Variants in OLFM3 observed in about 807,000 individuals in gnomAD.
OLFM3 encodes the protein noelin-3.
OLFM3 carries 20 observed loss-of-function variants against 48.6 expected under a neutral mutation model. The observed-to-expected ratio is 0.41, with a 90% confidence interval of 0.29 to 0.60. The LOEUF is 0.60. OLFM3 is among the 20% of genes least tolerant of loss of function. The pLI is 0.28. For synonymous variants in OLFM3, 222 were observed against 198.1 expected (o/e 1.12, Z -1.01); for missense variants, 437 against 544.3 (o/e 0.80, Z 1.96).
At chr1:101,833,982 T>C (rs1290637861) in intron 2 of OLFM3, among the ~76,000 whole-genome samples, 1 of 152,220 alleles carries the variant, frequency 6.6e-6, no homozygotes, top group Non-Finnish European at 1.5e-5. Context: ...CAAGACATCT[T>C]TAACTGTACA....
At chr1:101,898,801 A>G (rs1658292167) in intron 1 of OLFM3, among the ~76,000 whole-genome samples, 1 of 152,168 alleles carries the variant, frequency 6.6e-6, no homozygotes, top group African/African-American at 2.4e-5. Context: ...GTGAGCCAAG[A>G]TCATGCTACT....
chr1:101,982,753 C>T (rs141350226), intron 1 of OLFM3, among the ~76,000 whole-genome samples: 76 of 152,294 alleles, frequency 5.0e-4, no homozygotes, highest in African/African-American at 1.7e-3. Context: ...AACATTGGCT[C>T]TTCCTGGTTC....
chr1:101,849,740 C>A (rs2100946704), intron 1 of OLFM3, among the ~76,000 whole-genome samples: 1 of 152,234 alleles, frequency 6.6e-6, no homozygotes, highest in African/African-American at 2.4e-5. Flanking sequence ...AAGGTCTGCA[C>A]AACAATTGGC....
At chr1:101,812,675 T>C in intron 4 of OLFM3, 3 of 985,726 alleles carry the variant, frequency 3.0e-6, no homozygotes, top group Non-Finnish European at 3.6e-6. Flanking sequence ...TGCATCTCTA[T>C]GGCAAAGGGA....
At chr1:101,845,417 C>T (rs963503132) in intron 1 of OLFM3, among the ~76,000 whole-genome samples, 20 of 151,876 alleles carry the variant, frequency 1.3e-4, no homozygotes, top group African/African-American at 3.9e-4. Flanking sequence ...TGTCTATATA[C>T]ACAAAAAATA....
chr1:101,988,304 A>G (rs1282182878), intron 1 of OLFM3, among the ~76,000 whole-genome samples: 3 of 152,144 alleles, frequency 2.0e-5, no homozygotes, highest in Non-Finnish European at 4.4e-5. Flanking sequence ...AAGAGGATAT[A>G]CTAACTTTGC....
At position 101,811,589 on chromosome 1, in the gene OLFM3, C is replaced by T. The variant is rs1051170695; in HGVS notation, c.593-5407G>A. Among the ~76,000 whole-genome samples, 16 of 152,242 alleles carry T rather than the reference C, an allele frequency of 1.1e-4. No homozygotes were observed. The East Asian group carries it at 2.1e-3, about 20-fold the overall frequency. ...CAGCCAACAGACATATGAAAAAATG[C>T]TCATCATCACTGGCCATCAGAGAAA... On this transcript the variant is annotated intron_variant, in intron 4 of 5. Coordinates refer to ENST00000370103, the MANE Select transcript of OLFM3 (RefSeq NM_058170.4).
At chr1:101,838,788 A>T (rs1350422573) in intron 1 of OLFM3, among the ~76,000 whole-genome samples, 1 of 152,128 alleles carries the variant, frequency 6.6e-6, no homozygotes, top group Admixed American at 6.5e-5. Flanking sequence ...CCAGGAGCAA[A>T]TTCTTAAAGT....
chr1:101,953,205 T>C (rs956235179), intron 1 of OLFM3, among the ~76,000 whole-genome samples: 1 of 152,170 alleles, frequency 6.6e-6, no homozygotes, highest in South Asian at 2.1e-4. Flanking sequence ...ACTACTAGAA[T>C]ATGTCAAATT....
chr1:101,920,191 G>C (rs908807234), intron 1 of OLFM3, among the ~76,000 whole-genome samples: 63 of 152,120 alleles, frequency 4.1e-4, no homozygotes, highest in African/African-American at 1.5e-3. Context: ...AATATGCAGA[G>C]TGATTCTTTA....
intron 3 of OLFM3, 73 bp from the exon 4 acceptor site, chr1:101,825,318 T>C: frequency 1.8e-6 from 2 of 1,127,554 alleles, no homozygotes; most frequent in Non-Finnish European, 2.5e-6. Flanking sequence ...TTTATTATGA[T>C]ACTTAAAGGA....
chr1:101,986,746 T>C (rs1454034497), intron 1 of OLFM3, among the ~76,000 whole-genome samples: 1 of 152,102 alleles, frequency 6.6e-6, no homozygotes, highest in Non-Finnish European at 1.5e-5. Flanking sequence ...TTCTTCTATT[T>C]ATTCTTTCTA....
At chr1:101,891,479 A>G (rs1657995539) in intron 1 of OLFM3, among the ~76,000 whole-genome samples, 1 of 151,990 alleles carries the variant, frequency 6.6e-6, no homozygotes, top group Non-Finnish European at 1.5e-5. Flanking sequence ...GAATAAAAAA[A>G]TATTGATGAG....
intron 1 of OLFM3, among the ~76,000 whole-genome samples, chr1:101,850,910 A>G (rs981299424): frequency 8.1e-5 from 12 of 148,806 alleles, no homozygotes; most frequent in African/African-American, 2.9e-4. Context: ...AAATTATTGA[A>G]GAAGGAGGAG....
intron 1 of OLFM3, among the ~76,000 whole-genome samples, chr1:101,935,237 T>C (rs1386811600): frequency 6.9e-6 from 1 of 145,876 alleles, no homozygotes; most frequent in African/African-American, 2.5e-5. Context: ...ACTAGACTAA[T>C]GAAGAAAAAA....
intron 1 of OLFM3, among the ~76,000 whole-genome samples, chr1:101,954,703 C>T (rs1419956259): frequency 6.6e-6 from 1 of 152,008 alleles, no homozygotes; most frequent in South Asian, 2.1e-4. Flanking sequence ...TCAATAAATT[C>T]CTTTCCTCAA....
intron 2 of OLFM3, among the ~76,000 whole-genome samples, chr1:101,834,702 AC>A (rs1655319064): frequency 6.6e-6 from 1 of 152,166 alleles, no homozygotes; most frequent in Non-Finnish European, 1.5e-5. Flanking sequence ...CCTTGTGGTG[AC>A]TCCAATTTTG....
At chr1:101,833,591 A>G (rs1198571071) in intron 2 of OLFM3, among the ~76,000 whole-genome samples, 1 of 152,206 alleles carries the variant, frequency 6.6e-6, no homozygotes, top group Non-Finnish European at 1.5e-5. Flanking sequence ...TAGTTTGGCA[A>G]GCTCATTGTC....
At chr1:101,854,047 G>A (rs1389868909) in intron 1 of OLFM3, among the ~76,000 whole-genome samples, 1 of 151,882 alleles carries the variant, frequency 6.6e-6, no homozygotes, top group African/African-American at 2.4e-5. Context: ...GTGGCAGAAG[G>A]GACGTATGGT....
Sources: gnomAD v4.1 joint callset for allele counts (sites outside exome capture counted in the v4.1 genomes callset) on GRCh38, gnomAD v4.1.1 for gene constraint, MANE v1.5 for transcripts, NCBI Gene and HGNC (gene_info 2026-07-23, HGNC 2026-07-21) for gene names.